The following EEFSEC variants were observed in gnomAD, a reference collection of about 807,000 sequenced individuals.
EEFSEC encodes the protein eukaryotic elongation factor, selenocysteine-tRNA specific, also known as selenocysteine-specific elongation factor.
EEFSEC carries 43 observed loss-of-function variants against 42.1 expected under a neutral mutation model. The observed-to-expected ratio is 1.02, with a 90% CI of 0.80 to 1.32. The LOEUF is 1.32. Among genes scored for constraint, EEFSEC ranks in the 40% most tolerant of loss-of-function variants. The pLI is 0.00. For synonymous variants in EEFSEC, 354 were observed against 339.1 expected (o/e 1.04, Z -0.48); for missense variants, 745 against 803.6 (o/e 0.93, Z 0.88).
At chr3:128,184,615 G>A (rs771714759) in intron 1 of EEFSEC, among the ~76,000 whole-genome samples, 20 of 152,094 alleles carry the variant, frequency 1.3e-4, no homozygotes, top group Non-Finnish European at 2.1e-4. Context: ...CATCTCTGTA[G>A]TTCTGTATTT....
At chr3:128,413,592 A>C (rs1424765316), downstream of EEFSEC, among the ~76,000 whole-genome samples, 2 of 152,180 alleles carry the variant, frequency 1.3e-5, no homozygotes, top group African/African-American at 4.8e-5. Flanking sequence ...GGTGTTGCTC[A>C]GTCCCCACGT....
At chr3:128,406,073 G>A (rs1179228255) in intron 6 of EEFSEC, among the ~76,000 whole-genome samples, 1 of 152,202 alleles carries the variant, frequency 6.6e-6, no homozygotes, top group Non-Finnish European at 1.5e-5. Context: ...GTGGGGCTGT[G>A]AGGCTCACAG....
intron 6 of EEFSEC, among the ~76,000 whole-genome samples, chr3:128,380,911 C>T (rs1256249333): frequency 2.6e-5 from 4 of 152,250 alleles, no homozygotes; most frequent in Admixed American, 2.0e-4. Flanking sequence ...ACTGTGTTAT[C>T]TGACTCACCG....
intron 4 of EEFSEC, among the ~76,000 whole-genome samples, chr3:128,291,250 T>C (rs1030366633): frequency 2.0e-5 from 3 of 152,216 alleles, no homozygotes; most frequent in African/African-American, 7.2e-5. Flanking sequence ...GATTTATATA[T>C]TTTGAGCACA....
chr3:128,283,722 T>G (rs2066553861), intron 4 of EEFSEC, among the ~76,000 whole-genome samples: 1 of 152,152 alleles, frequency 6.6e-6, no homozygotes, highest in Non-Finnish European at 1.5e-5. Flanking sequence ...AGTCCACACC[T>G]TGGCAGAACT....
At chr3:128,242,345 A>G (rs998775022) in intron 1 of EEFSEC, among the ~76,000 whole-genome samples, 6 of 152,130 alleles carry the variant, frequency 3.9e-5, no homozygotes, top group African/African-American at 1.4e-4. Flanking sequence ...TAAATAAATA[A>G]CAAATAATGG....
chr3:128,249,157 A>G (rs1312892775), intron 2 of EEFSEC, among the ~76,000 whole-genome samples: 1 of 152,238 alleles, frequency 6.6e-6, no homozygotes, highest in East Asian at 1.9e-4. Flanking sequence ...CTTTCTGTCT[A>G]TAAAGGGAAA....
chr3:128,416,142 G>A, the EEFSEC span, among the ~76,000 whole-genome samples: 30 of 152,312 alleles, frequency 2.0e-4, no homozygotes, highest in African/African-American at 6.3e-4. Flanking sequence ...TGATAAGACA[G>A]ACAAGCATCT....
At chr3:128,233,878 C>T (rs1432721699) in intron 1 of EEFSEC, among the ~76,000 whole-genome samples, 4 of 152,182 alleles carry the variant, frequency 2.6e-5, no homozygotes, top group African/African-American at 9.7e-5. Context: ...GTCTCAGCTT[C>T]TGCACCTGTG....
chr3:128,268,617 A>G (rs796898457), intron 4 of EEFSEC, among the ~76,000 whole-genome samples: 2 of 152,198 alleles, frequency 1.3e-5, no homozygotes, highest in African/African-American at 4.8e-5. Context: ...CTTAGGTCCA[A>G]TGACCAGTGT....
At chr3:128,397,583 G>A (rs1576702629) in intron 6 of EEFSEC, among the ~76,000 whole-genome samples, 2 of 152,206 alleles carry the variant, frequency 1.3e-5, no homozygotes, top group Non-Finnish European at 2.9e-5. Flanking sequence ...GCCCAGGGCT[G>A]CAGTCCAGTG....
chr3:128,335,231 G>C (rs2067177017), intron 4 of EEFSEC, among the ~76,000 whole-genome samples: 1 of 152,234 alleles, frequency 6.6e-6, no homozygotes, highest in African/African-American at 2.4e-5. Context: ...GGTCCTCATG[G>C]AGGTTCCATT....
At chr3:128,314,858 G>GGAAGA (rs2066928005) in intron 4 of EEFSEC, among the ~76,000 whole-genome samples, 1 of 152,216 alleles carries the variant, frequency 6.6e-6, no homozygotes, top group South Asian at 2.1e-4. Flanking sequence ...AGTGGGATTT[G>GGAAGA]GAAGAGCTGA....
intron 1 of EEFSEC, among the ~76,000 whole-genome samples, chr3:128,217,004 A>G (rs1482168411): frequency 2.6e-5 from 4 of 152,200 alleles, no homozygotes; most frequent in African/African-American, 9.7e-5. Flanking sequence ...ATTATAGTAG[A>G]TAATAATTTT....
rs749928084 is a variant in EEFSEC, at chr3:128,264,766, G to T, written c.771G>T (p.Glu257Asp). The T allele has an allele frequency of 1.2e-6, 2 of 1,614,034 alleles. No homozygotes were observed. Among genetic ancestry groups the T allele is most frequent in the South Asian group, 2.2e-5 (2 of 91,060 alleles). ...SGSISLGDSVEIPALKVVKKV... is the reference protein window; with the variant it reads ...SGSISLGDSVDIPALKVVKKV... ...CCATCAGCCTCGGTGACAGTGTGGA[G>T]ATCCCTGCCCTCAAGGTCAGTCTTA... Residue 257 changes from glutamate to aspartate, a missense_variant, in exon 4 of 7, where the codon GAG (glutamate) becomes GAT (aspartate). Coordinates refer to ENST00000254730, the MANE Select transcript of EEFSEC (RefSeq NM_021937.5).
At chr3:128,303,113 T>C (rs2066788031) in intron 4 of EEFSEC, among the ~76,000 whole-genome samples, 1 of 152,178 alleles carries the variant, frequency 6.6e-6, no homozygotes. Flanking sequence ...TTGCATTTTT[T>C]TAAACATTAT....
At chr3:128,245,454 A>C (rs1238559544) in intron 1 of EEFSEC, among the ~76,000 whole-genome samples, 1 of 152,172 alleles carries the variant, frequency 6.6e-6, no homozygotes, top group Non-Finnish European at 1.5e-5. Flanking sequence ...TGCTGCGTGC[A>C]CCTGAGCCTA....
At chr3:128,417,040 G>A in the EEFSEC span, among the ~76,000 whole-genome samples, 196 of 152,138 alleles carry the variant, frequency 1.3e-3, 8 homozygotes, top group South Asian at 0.031. This position sits in a 1 kb window ranked among gnomAD's most constrained non-coding sequence, Gnocchi z 4.3. Flanking sequence ...AGGTCCTGTT[G>A]CTTCACCTTC....
At chr3:128,336,301 C>G (rs2067188680) in intron 4 of EEFSEC, among the ~76,000 whole-genome samples, 1 of 152,198 alleles carries the variant, frequency 6.6e-6, no homozygotes, top group Non-Finnish European at 1.5e-5. Flanking sequence ...CAAAATATGT[C>G]TTGAACTCTG....
Sources: gnomAD v4.1 joint callset for allele counts (sites outside exome capture counted in the v4.1 genomes callset) on GRCh38, gnomAD v4.1.1 for gene constraint, Gnocchi (gnomAD v3.1) non-coding constraint, MANE v1.5 for transcripts, NCBI Gene and HGNC (gene_info 2026-07-23, HGNC 2026-07-21) for gene names.